The following CHD4 variants were observed in gnomAD, a reference collection of about 807,000 sequenced individuals.
CHD4 encodes the protein ATP-dependent chromatin remodeler CHD4.
In CHD4, 35 loss-of-function variants were observed where a neutral mutation model predicts 235.5. The observed-to-expected ratio is 0.15, with a 90% CI of 0.11 to 0.20. The LOEUF (loss-of-function observed/expected upper bound fraction) is 0.20. Among genes scored for constraint, CHD4 ranks in the 10% least tolerant of loss-of-function variants. The pLI, the probability that CHD4 is intolerant of heterozygous loss-of-function variation, is 1.00. For missense variants in CHD4, 1,329 were observed against 2,432.3 expected, an observed-to-expected ratio of 0.55 and a Z score of 9.54; for synonymous variants, 900 against 850.2, an observed-to-expected ratio of 1.06 and a Z score of -1.02.
rs1485721800 is a variant in CHD4 at position 6,581,102 on chromosome 12, T to C, written c.4851A>G (p.Lys1617=). The C allele has an allele frequency of 2.5e-6, 4 of 1,614,172 alleles. No individual in the cohort carries two copies. The South Asian group carries it at 4.4e-5, about 18-fold the overall frequency. The change falls in exon 33 of 40, where the codon AAA becomes AAG. Residue 1617 remains lysine (K), a synonymous_variant. Transcript: ENST00000544040. ...TCTCCTTCACCTCTGCCTTTTCCAC[T>C]TTCTCCTCTCCCTCAGGGGGTTCAA... ...VVVEPPEGEE[K]VEKAEVKERT...
At chr12:6,575,922 T>C (rs531145246) in intron 37 of CHD4, among the ~76,000 whole-genome samples, 1 of 152,274 alleles carries the variant, frequency 6.6e-6, no homozygotes, top group East Asian at 1.9e-4. Context: ...CCTAATCCCT[T>C]TGTTCAGATA....
At chr12:6,580,742 C>A in intron 33 of CHD4, 1 of 271,262 alleles carries the variant, frequency 3.7e-6, no homozygotes. Context: ...GGCACAGTGG[C>A]TCATGCCTGT....
chr12:6,592,249 C>T, intron 19 of CHD4, 144 bp downstream of exon 19: 1 of 1,273,764 alleles, frequency 7.9e-7, no homozygotes, highest in Non-Finnish European at 1.1e-6. Flanking sequence ...GAACTATGCG[C>T]TCCAGCGCCC....
chr12:6,587,665 A>G, intron 24 of CHD4, 47 bp downstream of exon 24: 1 of 1,607,790 alleles, frequency 6.2e-7, no homozygotes, highest in Admixed American at 1.7e-5. Context: ...CCTAACCTTT[A>G]GAGAGGCCAA....
chr12:6,578,760 T>A (rs953843833), intron 34 of CHD4, 86 bp downstream of exon 34: 13 of 1,422,482 alleles, frequency 9.1e-6, no homozygotes, highest in Non-Finnish European at 1.3e-5. Flanking sequence ...GCTAGATGAG[T>A]ATGGACAGGG....
At position 6,600,999 on chromosome 12, in the gene CHD4, T is replaced by G; in HGVS notation, c.854A>C (p.Lys285Thr). ...KGSPRVPDAKKPKPKKVAPLK... is the reference protein window; with the variant it reads ...KGSPRVPDAKTPKPKKVAPLK... ...GGGAGCTACTTTCTTGGGTTTAGGC[T>G]TCTTGGCATCAGGTACACGAGGGCT... Residue 285 changes from lysine to threonine, a missense_variant, in exon 7 of 40, where the codon AAG (lysine) becomes ACG (threonine). Physicochemically the swap from Lys to Thr is moderately conservative, Grantham distance 78. Around this residue, in one of 26 missense-constraint regions of CHD4, gnomAD observed 160 missense variants for 196.6 expected, o/e 0.81. Transcript: ENST00000544040. 1 of 1,607,266 alleles carries G rather than the reference T, an allele frequency of 6.2e-7. No homozygotes were observed. The highest frequency in any genetic ancestry group is 8.5e-7 in the Non-Finnish European group (1 of 1,177,796).
chr12:6,588,503 G>GAAAAATGTCAGAATAGGCCAGGT (rs1948339038), intron 22 of CHD4, 81 bp from the exon 23 acceptor site: 1 of 1,514,990 alleles, frequency 6.6e-7, no homozygotes. Context: ...TTAAGCCGGG[G>GAAAAATGTCAGAATAGGCCAGGT]GCAGTGGCTC....
intron 25 of CHD4, among the ~76,000 whole-genome samples, chr12:6,586,608 A>T (rs1484339655): frequency 6.6e-6 from 1 of 151,246 alleles, no homozygotes; most frequent in African/African-American, 2.4e-5. Context: ...TACTAGGGTC[A>T]CTCTTCAGCC....
intron 37 of CHD4, 71 bp downstream of exon 37, chr12:6,577,714 C>G: frequency 6.3e-7 from 1 of 1,587,428 alleles, no homozygotes; most frequent in Non-Finnish European, 8.6e-7. Flanking sequence ...TGGACAGACT[C>G]CCTCTGCTGC....
rs1046714373 is a variant in CHD4 at position 6,570,964 on chromosome 12, C to T, written c.5626G>A (p.Ala1876Thr). Reference protein sequence around the residue: ...ADVTRLPATIARIPPVAVRLQ... With the variant: ...ADVTRLPATITRIPPVAVRLQ... The stretch of plus-strand genomic sequence containing the variant: ...CTCACAGCAACTGGGGGAATTCGGG[C>T]AATGGTAGCTGGGAGTCGAGTCACA... The change falls in exon 39 of 40, where the codon GCC (alanine) becomes ACC (threonine). Residue 1876 changes from alanine (A) to threonine (T), a missense_variant. This residue lies in a region of CHD4 where 135 missense variants were observed against 282.3 expected (regional missense o/e 0.48). Transcript: ENST00000544040. 19 of 1,614,020 alleles carry T rather than the reference C, an allele frequency of 1.2e-5. No individual in the cohort carries two copies. The Admixed American group carries it at 2.5e-4, about 21-fold the overall frequency.
chr12:6,589,447 TC>T (rs1420213347), intron 22 of CHD4, among the ~76,000 whole-genome samples: 1 of 152,228 alleles, frequency 6.6e-6, no homozygotes, highest in African/African-American at 2.4e-5. Flanking sequence ...GAACATCATG[TC>T]CGTCCCCCAG....
intron 37 of CHD4, among the ~76,000 whole-genome samples, chr12:6,575,449 CA>C (rs201602922): frequency 0.049 from 2,888 of 58,502 alleles, 74 homozygotes; most frequent in African/African-American, 0.12. Context: ...GACTTTGTCT[CA>C]AAAAAAAAAA....
At chr12:6,570,727 G>T in intron 39 of CHD4, 34 bp from the exon 40 acceptor site, 4 of 1,614,120 alleles carry the variant, frequency 2.5e-6, no homozygotes, top group Non-Finnish European at 3.4e-6. Flanking sequence ...CAGAATTCCA[G>T]ATGATAGGAA....
intron 12 of CHD4, among the ~76,000 whole-genome samples, 180 bp downstream of exon 12, chr12:6,597,714 C>T (rs1007143606): frequency 1.3e-5 from 2 of 148,596 alleles, no homozygotes; most frequent in African/African-American, 2.5e-5. Flanking sequence ...TGCAGTGAGC[C>T]GAGATCACGC....
intron 2 of CHD4, among the ~76,000 whole-genome samples, chr12:6,604,626 A>G (rs190774344): frequency 2.0e-5 from 3 of 152,270 alleles, no homozygotes; most frequent in Admixed American, 2.0e-4. Flanking sequence ...GTGGAGACAA[A>G]GACAACCCAT....
chr12:6,570,438 C>A lies in CHD4; in HGVS notation c.*238G>T. The A allele has an allele frequency of 1.8e-6, 1 of 564,848 alleles. No homozygotes were observed. Among genetic ancestry groups the A allele is most frequent in the Non-Finnish European group, 3.1e-6 (1 of 318,376 alleles). 35.0% of individuals were successfully genotyped at this position (564,848 alleles called of 1,614,324 possible). A position where few individuals can be genotyped will look rare whatever the true frequency, so the allele number is the denominator to read the frequency against. ...TGGGGAGAAGCCAGGGTCCAGAAGG[C>A]CAGCCCGCCAGCTCCTGCAGATGGC... On this transcript the variant is annotated 3_prime_UTR_variant, in exon 40 of 40. Transcript: ENST00000544040.
rs572734539 is a variant in CHD4, at chr12:6,573,177, G to C, written c.5454C>G (p.Leu1818=). The C allele has an allele frequency of 1.4e-4, 228 of 1,608,738 alleles. 1 individual carries two copies. The South Asian group carries it at 2.5e-3, about 18-fold the overall frequency. ...ACTCCACCTCAGCAAAGCGGGTGTT[G>C]AGGGCCATGGAAGGGTGAGAAGGGT... ...SEDPSHPSMA[L]NTRFAEVECL... Residue 1818 remains leucine, a synonymous_variant, in exon 38 of 40, where the codon CTC becomes CTG. Coordinates refer to ENST00000544040, the MANE Select transcript of CHD4 (RefSeq NM_001273.5).
At chr12:6,572,502 C>T (rs36045653) in intron 38 of CHD4, among the ~76,000 whole-genome samples, 5,978 of 151,912 alleles carry the variant, frequency 0.039, 302 homozygotes, top group East Asian at 0.26. Context: ...AGGCTGAGGC[C>T]GGAGGATCAC....
At chr12:6,571,135 GTGA>G (rs777873030) in intron 38 of CHD4, 103 bp from the exon 39 acceptor site, 8 of 1,335,390 alleles carry the variant, frequency 6.0e-6, no homozygotes, top group Non-Finnish European at 8.3e-6. Flanking sequence ...CCAAGTAACT[GTGA>G]TGTATTGTCT....
Sources: gnomAD v4.1 joint callset for allele counts (sites outside exome capture counted in the v4.1 genomes callset) on GRCh38, gnomAD v4.1.1 for gene constraint, gnomAD v4.1.1 regional missense constraint, MANE v1.5 for transcripts, NCBI Gene and HGNC (gene_info 2026-07-23, HGNC 2026-07-21) for gene names.